The following RAB3C variants were observed in gnomAD, a reference collection of about 807,000 sequenced individuals.
RAB3C encodes RAB3C, member RAS oncogene family.
Under a neutral mutation model 26.4 loss-of-function variants are expected in RAB3C, and 17 were observed. The observed-to-expected ratio is 0.64, with a 90% CI of 0.44 to 0.97. RAB3C has a LOEUF of 0.97. Among genes scored for constraint, RAB3C ranks in the 50% least tolerant of loss-of-function variants. The pLI is 0.00. For synonymous variants in RAB3C, 91 were observed against 95.9 expected (o/e 0.95, Z 0.30); for missense variants, 242 against 281.9 (o/e 0.86, Z 1.01).
rs77035847 is a variant in RAB3C, at chr5:58,595,415, G to C, written c.24+12183G>C. ...AGCTATATCACCAAGAAGGGTGTCT[G>C]GTGAAGACAGCAGCTGGTGGAGAGC... is the stretch of plus-strand genomic sequence containing the variant. On this transcript the variant is annotated intron_variant, in intron 1 of 4. Transcript: ENST00000282878. Among the ~76,000 whole-genome samples the C allele has an allele frequency of 5.9e-5, 9 of 152,218 alleles. No homozygotes were observed. In the East Asian group the frequency reaches 1.7e-3, roughly 29 times the overall value.
intron 3 of RAB3C, among the ~76,000 whole-genome samples, chr5:58,731,064 T>C (rs569879973): frequency 6.6e-6 from 1 of 152,170 alleles, no homozygotes; most frequent in East Asian, 1.9e-4. Context: ...TTCAGTTACC[T>C]CCCACTAGGT....
rs183174358 is a variant in RAB3C at position 58,661,379 on chromosome 5, A to G, written c.252+43509A>G. On this transcript the variant is annotated intron_variant, in intron 2 of 4. Transcript: ENST00000282878. ...TTTCCATGTTTATAATATGCCATTC[A>G]TAGCAGACAGTCTGTAGCAACCCAA... 8.7e-5 allele frequency among the ~76,000 whole-genome samples: 13 copies of G among 150,248 alleles called. 1 individual carries two copies. Among genetic ancestry groups the G allele is most frequent in the African/African-American group, 3.3e-4 (13 of 39,600 alleles).
chr5:58,643,179 A>G (rs909015348), intron 2 of RAB3C, among the ~76,000 whole-genome samples: 1 of 152,216 alleles, frequency 6.6e-6, no homozygotes, highest in African/African-American at 2.4e-5. Context: ...AGATTTCCCA[A>G]GCATGGGGCA....
chr5:58,658,357 G>A (rs1747823278), intron 2 of RAB3C, among the ~76,000 whole-genome samples: 1 of 152,168 alleles, frequency 6.6e-6, no homozygotes, highest in Non-Finnish European at 1.5e-5. Context: ...ATCAGCTTGA[G>A]GAGATTTTGG....
chr5:58,834,955 T>C (rs1393317804), intron 4 of RAB3C, among the ~76,000 whole-genome samples: 1 of 152,204 alleles, frequency 6.6e-6, no homozygotes, highest in Non-Finnish European at 1.5e-5. Flanking sequence ...CTGTTCCTTA[T>C]GAATAAAGTG....
chr5:58,767,771 G>T (rs149477481), intron 3 of RAB3C, among the ~76,000 whole-genome samples: 1 of 152,106 alleles, frequency 6.6e-6, no homozygotes, highest in Non-Finnish European at 1.5e-5. Context: ...ATTATGTCAC[G>T]CATTGTTCTA....
chr5:58,604,977 G>T (rs946090511), intron 1 of RAB3C, among the ~76,000 whole-genome samples: 1 of 152,126 alleles, frequency 6.6e-6, no homozygotes, highest in East Asian at 1.9e-4. Context: ...CAGAGAGCTC[G>T]CAGGGCCTTT....
chr5:58,623,945 G>T (rs1414081770), intron 2 of RAB3C, among the ~76,000 whole-genome samples: 1 of 152,068 alleles, frequency 6.6e-6, no homozygotes, highest in Admixed American at 6.6e-5. Context: ...ATGTAGTGGG[G>T]GGAAATAACA....
chr5:58,727,119 C>T (rs1212992762), intron 3 of RAB3C, among the ~76,000 whole-genome samples: 1 of 109,742 alleles, frequency 9.1e-6, no homozygotes. Context: ...AAACAGACAG[C>T]ATTCTTTTTT....
At chr5:58,713,555 G>T (rs1000381670) in intron 2 of RAB3C, among the ~76,000 whole-genome samples, 2 of 152,102 alleles carry the variant, frequency 1.3e-5, no homozygotes, top group Admixed American at 6.5e-5. Flanking sequence ...TTATTTTAGA[G>T]GCAGACTCAC....
At chr5:58,743,239 G>C (rs981577221) in intron 3 of RAB3C, among the ~76,000 whole-genome samples, 2 of 152,098 alleles carry the variant, frequency 1.3e-5, no homozygotes, top group African/African-American at 4.8e-5. Flanking sequence ...TGGCATCATG[G>C]GGTAGGCACT....
At chr5:58,811,212 G>A (rs1368565680) in intron 3 of RAB3C, among the ~76,000 whole-genome samples, 2 of 152,286 alleles carry the variant, frequency 1.3e-5, no homozygotes, top group East Asian at 3.9e-4. Context: ...CTACAACCAA[G>A]GGCAAATGGC....
At chr5:58,815,237 A>G (rs888069298) in intron 3 of RAB3C, among the ~76,000 whole-genome samples, 1 of 152,220 alleles carries the variant, frequency 6.6e-6, no homozygotes, top group Non-Finnish European at 1.5e-5. Context: ...GAAGACAAGC[A>G]TTCACAGGAG....
intron 2 of RAB3C, among the ~76,000 whole-genome samples, chr5:58,716,583 A>C (rs1200911364): frequency 6.6e-6 from 1 of 152,080 alleles, no homozygotes; most frequent in Non-Finnish European, 1.5e-5. Flanking sequence ...ATACATATGA[A>C]TGTGCATATA....
At chr5:58,771,075 T>C (rs1174487288) in intron 3 of RAB3C, among the ~76,000 whole-genome samples, 2 of 152,124 alleles carry the variant, frequency 1.3e-5, no homozygotes, top group African/African-American at 4.8e-5. Context: ...TCTGAACATA[T>C]AGAGGCCAAA....
At chr5:58,685,602 G>A (rs1359657951) in intron 2 of RAB3C, among the ~76,000 whole-genome samples, 1 of 152,116 alleles carries the variant, frequency 6.6e-6, no homozygotes, top group South Asian at 2.1e-4. Flanking sequence ...TTTTCAGCCT[G>A]CAACAGATAA....
At chr5:58,755,906 T>C (rs1329881026) in intron 3 of RAB3C, among the ~76,000 whole-genome samples, 3 of 152,208 alleles carry the variant, frequency 2.0e-5, no homozygotes, top group Non-Finnish European at 4.4e-5. Context: ...AACATCACAT[T>C]CTTAAACAGA....
At chr5:58,767,846 A>G (rs1235763849) in intron 3 of RAB3C, among the ~76,000 whole-genome samples, 3 of 152,204 alleles carry the variant, frequency 2.0e-5, no homozygotes, top group Non-Finnish European at 4.4e-5. Flanking sequence ...GTAGGAAAAG[A>G]GAATAGGCAA....
chr5:58,811,034 A>C (rs1211350154), intron 3 of RAB3C, among the ~76,000 whole-genome samples: 1 of 152,204 alleles, frequency 6.6e-6, no homozygotes, highest in Non-Finnish European at 1.5e-5. Context: ...TAAGACCAGG[A>C]CTTAATTTGA....
Sources: allele counts gnomAD v4.1 joint callset (sites outside exome capture counted in the v4.1 genomes callset), GRCh38; gene constraint gnomAD v4.1.1; transcripts MANE v1.5; gene names NCBI Gene and HGNC (gene_info 2026-07-23, HGNC 2026-07-21).